GPR174: variants seen among roughly 807,000 people sequenced by gnomAD.
The protein encoded by GPR174 is G protein-coupled receptor 174, also known as probable G protein-coupled receptor 174.
In GPR174, 8 loss-of-function variants were observed where a neutral mutation model predicts 16.5. The ratio of observed to expected loss-of-function variants is 0.48; its 90% CI spans 0.28 to 0.87. The LOEUF (loss-of-function observed/expected upper bound fraction) is 0.87, where lower values mean the gene tolerates loss of function less well. GPR174 is among the 40% of genes least tolerant of loss of function. The pLI, the probability that GPR174 is intolerant of heterozygous loss-of-function variation, is 0.09. For synonymous variants in GPR174, 111 were observed against 94.8 expected, an observed-to-expected ratio of 1.17 and a Z score of -0.99; for missense variants, 214 against 247.5, an observed-to-expected ratio of 0.86 and a Z score of 0.91.
rs1226454825 is a variant in GPR174 at position 79,174,984 on chromosome X, A to G, written c.*2975A>G. ...TTCAAAAATGCGTAAGTATTCCAAT[A>G]AGAAAAACTTTGTATGTAGTGATTT... On this transcript the variant is annotated 3_prime_UTR_variant, in exon 3 of 3. Transcript: ENST00000645147. 2.7e-5 allele frequency: 3 copies of G among 112,191 alleles called. No individual in the cohort carries two copies. The highest frequency in any genetic ancestry group is 5.6e-5 in the Non-Finnish European group (3 of 53,247). 9.2% of individuals were successfully genotyped at this position (112,191 alleles called of 1,213,427 possible).
intron 2 of GPR174, among the ~76,000 whole-genome samples, chrX:79,167,320 G>A (rs746895782): frequency 1.8e-5 from 2 of 111,864 alleles, no homozygotes; most frequent in Non-Finnish European, 3.8e-5. Flanking sequence ...AGATTCAGTT[G>A]TCCATCTGGG....
rs1225780185 is a variant in GPR174 at position 79,172,958 on chromosome X, T to C, written c.*949T>C. On this transcript the variant is annotated 3_prime_UTR_variant, in exon 3 of 3. Transcript: ENST00000645147. ...GCACTTTCTGAGCCTGTGGAAGAAG[T>C]AGTGCACTAATGAATCATTAAACCT... The C allele has an allele frequency of 8.9e-6, 1 of 111,996 alleles. No homozygotes were observed. The highest frequency in any genetic ancestry group is 3.2e-5 in the African/African-American group (1 of 30,785). 9.2% of individuals were successfully genotyped at this position (111,996 alleles called of 1,213,427 possible). A position where few individuals can be genotyped will look rare whatever the true frequency, so the allele number is the denominator to read the frequency against.
At chrX:79,148,523 A>G (rs1017240557) in intron 1 of GPR174, among the ~76,000 whole-genome samples, 1 of 111,517 alleles carries the variant, frequency 9.0e-6, no homozygotes, top group African/African-American at 3.3e-5. Flanking sequence ...TTATAAATCA[A>G]TGACTCTTTT....
intron 1 of GPR174, among the ~76,000 whole-genome samples, chrX:79,150,355 G>T (rs1298515147): frequency 9.0e-6 from 1 of 111,549 alleles, no homozygotes; most frequent in Non-Finnish European, 1.9e-5. Flanking sequence ...TTTTCATTTA[G>T]TGACACTCCT....
At chrX:79,154,871 T>C (rs151317017) in intron 1 of GPR174, among the ~76,000 whole-genome samples, 1 of 111,223 alleles carries the variant, frequency 9.0e-6, no homozygotes, top group African/African-American at 3.3e-5. Flanking sequence ...TTAAATGACT[T>C]GTCTTGGGAG....
intron 2 of GPR174, 66 bp downstream of exon 2, chrX:79,156,984 T>C (rs1921114399): frequency 8.9e-6 from 1 of 111,990 alleles, no homozygotes; most frequent in Non-Finnish European, 1.9e-5. Flanking sequence ...TTTTACCCTG[T>C]GGGCCCTGTA....
At chrX:79,165,231 G>T (rs1393017141) in intron 2 of GPR174, among the ~76,000 whole-genome samples, 1 of 107,519 alleles carries the variant, frequency 9.3e-6, no homozygotes, top group Non-Finnish European at 1.9e-5. Context: ...TTTGGACAAT[G>T]TATTGTGAAG....
intron 1 of GPR174, among the ~76,000 whole-genome samples, chrX:79,149,888 C>CAG (rs1358010081): frequency 3.9e-4 from 41 of 103,914 alleles, no homozygotes; most frequent in African/African-American, 1.4e-3. Context: ...CTGTAACCTG[C>CAG]AGAGAGAAAA....
intron 2 of GPR174, among the ~76,000 whole-genome samples, chrX:79,158,395 G>A (rs1240026627): frequency 9.4e-6 from 1 of 106,919 alleles, no homozygotes; most frequent in African/African-American, 3.4e-5. Flanking sequence ...ATTCATGTTA[G>A]GTAGGGTAGC....
intron 2 of GPR174, among the ~76,000 whole-genome samples, chrX:79,168,044 T>C (rs1003702587): frequency 2.6e-4 from 29 of 112,449 alleles, no homozygotes; most frequent in African/African-American, 7.8e-4. Flanking sequence ...TTTCAAAGCA[T>C]TTTATTACTT....
In GPR174 at chrX:79,174,894, C is replaced by T. The variant is rs1180744387; in HGVS notation, c.*2885C>T. On this transcript the variant is annotated 3_prime_UTR_variant, in exon 3 of 3. Coordinates refer to ENST00000645147, the MANE Select transcript of GPR174 (RefSeq NM_032553.3). ...TGGTGCAAAGAGTAAACACCCTCAA[C>T]CATAGTAATGTATACTTCAAGATAA... 5.4e-5 allele frequency: 6 copies of T among 111,781 alleles called. No homozygotes were observed. Among genetic ancestry groups the T allele is most frequent in the African/African-American group, 2.0e-4 (6 of 30,745 alleles). 9.2% of individuals were successfully genotyped at this position (111,781 alleles called of 1,213,427 possible).
chrX:79,162,614 A>C (rs778149430), intron 2 of GPR174, among the ~76,000 whole-genome samples: 5 of 112,331 alleles, frequency 4.5e-5, no homozygotes, highest in Non-Finnish European at 9.4e-5. Context: ...ATACAAGGAC[A>C]GATGTAGTAT....
chrX:79,158,800 A>T (rs1355070858), intron 2 of GPR174, among the ~76,000 whole-genome samples: 2 of 108,508 alleles, frequency 1.8e-5, no homozygotes, highest in Admixed American at 2.0e-4. Flanking sequence ...AAAACAGTTA[A>T]AAAGAATGAA....
rs1921534497 is a variant in GPR174, at chrX:79,172,144, C to A, written c.*135C>A. 3.3e-6 allele frequency: 2 copies of A among 612,250 alleles called. No individual in the cohort carries two copies. The highest frequency in any genetic ancestry group is 8.2e-5 in the Admixed American group (2 of 24,494). The allele number at this position is 612,250 out of a possible 1,213,427, so 50.5% of individuals were successfully genotyped here. A position where few individuals can be genotyped will look rare whatever the true frequency, so the allele number is the denominator to read the frequency against. Reference sequence around the variant, plus strand: ...CTCTATCTTACTGCTATGGGGAATTCACTTCTTCAAAGCAGGACCTATTTG... The same window carrying A: ...CTCTATCTTACTGCTATGGGGAATTAACTTCTTCAAAGCAGGACCTATTTG... On this transcript the variant is annotated 3_prime_UTR_variant, in exon 3 of 3. Coordinates refer to ENST00000645147, the MANE Select transcript of GPR174 (RefSeq NM_032553.3).
intron 1 of GPR174, among the ~76,000 whole-genome samples, chrX:79,154,496 A>G (rs1330119246): frequency 1.8e-5 from 2 of 111,734 alleles, no homozygotes; most frequent in Admixed American, 1.9e-4. Context: ...GCTTAGGACT[A>G]TGGGTCTTGG....
At position 79,174,294 on chromosome X, in the gene GPR174, A is replaced by T. The variant is rs1032437730; in HGVS notation, c.*2285A>T. The T allele has an allele frequency of 9.5e-6, 1 of 105,525 alleles. No homozygotes were observed. The highest frequency in any genetic ancestry group is 1.9e-5 in the Non-Finnish European group (1 of 51,519). The allele number at this position is 105,525 out of a possible 1,213,427, so 8.7% of individuals were successfully genotyped here. A position where few individuals can be genotyped will look rare whatever the true frequency, so the allele number is the denominator to read the frequency against. On this transcript the variant is annotated 3_prime_UTR_variant, in exon 3 of 3. Transcript: ENST00000645147. ...TGTATTCAGTGCTCTGATTTACTTTATTCACCCCTTATCCCATCAATATGT... is the reference window on the plus strand; with the variant it reads ...TGTATTCAGTGCTCTGATTTACTTTTTTCACCCCTTATCCCATCAATATGT...
At position 79,170,784 on chromosome X, in the gene GPR174, C is replaced by G. The variant is rs1013822471; in HGVS notation, c.-224C>G. On this transcript the variant is annotated 5_prime_UTR_variant, in exon 3 of 3. Transcript: ENST00000645147. Reference sequence around the variant, plus strand: ...CATCTGTGCTTGTACACTAGACTTCCATGTAGTTACTCTAGAGAAATCTAA... The same window carrying G: ...CATCTGTGCTTGTACACTAGACTTCGATGTAGTTACTCTAGAGAAATCTAA... 12 of 400,608 alleles carry G rather than the reference C, an allele frequency of 3.0e-5. No homozygotes were observed. The highest frequency in any genetic ancestry group is 7.6e-5 in the African/African-American group (3 of 39,623). 33.0% of individuals were successfully genotyped at this position (400,608 alleles called of 1,213,427 possible). A position where few individuals can be genotyped will look rare whatever the true frequency, so the allele number is the denominator to read the frequency against.
At chrX:79,161,859 A>G (rs1392790952) in intron 2 of GPR174, among the ~76,000 whole-genome samples, 1 of 111,906 alleles carries the variant, frequency 8.9e-6, no homozygotes, top group Non-Finnish European at 1.9e-5. Flanking sequence ...AAATAGCACT[A>G]CATTGCCACA....
chrX:79,150,718 A>C (rs1053724939), intron 1 of GPR174, among the ~76,000 whole-genome samples: 1 of 112,034 alleles, frequency 8.9e-6, no homozygotes, highest in African/African-American at 3.2e-5. Context: ...AATTTATTTT[A>C]GAATGAAAAT....
Sources: gnomAD v4.1 joint callset for allele counts (sites outside exome capture counted in the v4.1 genomes callset) on GRCh38, gnomAD v4.1.1 for gene constraint, MANE v1.5 for transcripts, NCBI Gene and HGNC (gene_info 2026-07-23, HGNC 2026-07-21) for gene names.